The following REV3L variants were observed in gnomAD, a reference collection of about 807,000 sequenced individuals.
The protein encoded by REV3L is DNA polymerase zeta catalytic subunit.
In REV3L, 69 loss-of-function variants were observed where a neutral mutation model predicts 299.4. The observed-to-expected ratio is 0.23, with a 90% CI of 0.19 to 0.28. The LOEUF is 0.28. Ranked by LOEUF, REV3L falls within the 10% of genes least tolerant of loss-of-function variation. REV3L has a pLI of 1.00. For synonymous variants in REV3L, 1,238 were observed against 1,271.4 expected, an observed-to-expected ratio of 0.97 and a Z score of 0.56; for missense variants, 3,128 against 3,693.8, an observed-to-expected ratio of 0.85 and a Z score of 3.97.
intron 1 of REV3L, among the ~76,000 whole-genome samples, chr6:111,436,566 G>A (rs895910384): frequency 5.9e-5 from 9 of 152,084 alleles, no homozygotes; most frequent in African/African-American, 1.9e-4. Flanking sequence ...ATTCATATGT[G>A]GGAGCTAAAA....
At chr6:111,307,646 T>G in intron 30 of REV3L, 76 bp from the exon 31 acceptor site, 1 of 1,353,628 alleles carries the variant, frequency 7.4e-7, no homozygotes, top group Non-Finnish European at 1.0e-6. Flanking sequence ...TAATTACAGG[T>G]TTACTCAGGC....
intron 6 of REV3L, 127 bp from the exon 7 acceptor site, chr6:111,389,337 A>T: frequency 1.4e-6 from 1 of 695,660 alleles, no homozygotes; most frequent in African/African-American, 1.8e-5. Flanking sequence ...TAAAGTGGAC[A>T]AATTATCCCA....
chr6:111,374,405 T>G lies in REV3L; in HGVS notation c.3950A>C (p.Asp1317Ala). The change falls in exon 13 of 32, where the codon GAT becomes GCT. Residue 1317 changes from aspartate (D) to alanine (A), a missense_variant. By Grantham distance (126) the Asp-to-Ala change is moderately radical. Around this residue, in one of 9 missense-constraint regions of REV3L, gnomAD observed 2,409 missense variants for 2,611.8 expected, o/e 0.92. Coordinates refer to ENST00000368802, the MANE Select transcript of REV3L (RefSeq NM_001372078.1). ...DLQTFPSSRD[D>A]LHPSVVCNSI... ...ATTACAAACAACTGATGGATGCAAA[T>G]CATCTCGTGAACTGGGGAATGTCTG... 1 of 1,614,010 alleles carries G rather than the reference T, an allele frequency of 6.2e-7. No individual in the cohort carries two copies. The highest frequency in any genetic ancestry group is 1.6e-4 in the Middle Eastern group (1 of 6,062).
chr6:111,338,311 C>CTTTTTTTTTTTTTTTTTTTTT (rs1776115188), intron 21 of REV3L, among the ~76,000 whole-genome samples: 1 of 49,034 alleles, frequency 2.0e-5, no homozygotes, highest in Non-Finnish European at 3.5e-5. Flanking sequence ...AGTCTAAAGT[C>CTTTTTTTTTTTTTTTTTTTTT]CTTTTTTTTT....
At chr6:111,361,419 C>CAAAAA (rs71021837) in intron 16 of REV3L, 2 of 86,598 alleles carry the variant, frequency 2.3e-5, no homozygotes, top group African/African-American at 4.8e-5. Context: ...CACACACACA[C>CAAAAA]AAAAAAAAAA....
chr6:111,354,562 G>A (rs904192534), intron 18 of REV3L, among the ~76,000 whole-genome samples: 88 of 152,210 alleles, frequency 5.8e-4, no homozygotes, highest in African/African-American at 2.1e-3. Flanking sequence ...TGTTTAGTCT[G>A]GAGGATGTAA....
intron 9 of REV3L, among the ~76,000 whole-genome samples, chr6:111,382,115 C>T (rs1394357220): frequency 6.6e-6 from 1 of 152,090 alleles, no homozygotes; most frequent in Non-Finnish European, 1.5e-5. Flanking sequence ...CATTATATAT[C>T]ACATTCATTA....
intron 18 of REV3L, among the ~76,000 whole-genome samples, chr6:111,352,388 G>A (rs1224600036): frequency 1.3e-5 from 2 of 152,130 alleles, no homozygotes; most frequent in Admixed American, 1.3e-4. Flanking sequence ...GGGGTGGAAG[G>A]CAGGCCATTA....
At chr6:111,301,194 C>A (rs1003700596) in intron 31 of REV3L, among the ~76,000 whole-genome samples, 1 of 152,128 alleles carries the variant, frequency 6.6e-6, no homozygotes, top group Non-Finnish European at 1.5e-5. Flanking sequence ...TCCAGCCTGG[C>A]GAATTCTAGT....
chr6:111,330,223 T>C (rs1775247110), intron 24 of REV3L: 2 of 440,616 alleles, frequency 4.5e-6, no homozygotes, highest in Non-Finnish European at 9.3e-6. Context: ...TCTGCTGACA[T>C]TCAAACCTGC....
intron 30 of REV3L, 171 bp from the exon 31 acceptor site, chr6:111,307,741 G>A (rs1562482715): frequency 5.0e-6 from 3 of 605,800 alleles, no homozygotes; most frequent in Non-Finnish European, 5.8e-6. Context: ...TGGAGCTACA[G>A]AAATGAATGA....
rs773545967 is a variant in REV3L, at chr6:111,373,864, T to C, written c.4491A>G (p.Ser1497=). Residue 1497 remains serine, a synonymous_variant, in exon 13 of 32, where the codon TCA becomes TCG. Transcript: ENST00000368802. The part of the protein sequence containing the change: ...KPERVKPRSL[S]EAISQTKALS... The stretch of plus-strand genomic sequence containing the variant: ...GTGCTTTGGTTTGTGAAATTGCTTC[T>C]GATAACGACCTCGGTTTTACTCTTT... The C allele has an allele frequency of 3.1e-6, 5 of 1,613,986 alleles. No homozygotes were observed. Among genetic ancestry groups the C allele is most frequent in the Non-Finnish European group, 4.2e-6 (5 of 1,179,990 alleles).
chr6:111,407,512 G>A (rs1253329642), intron 3 of REV3L, among the ~76,000 whole-genome samples: 2 of 152,158 alleles, frequency 1.3e-5, no homozygotes, highest in Non-Finnish European at 2.9e-5. Flanking sequence ...TTGTTTTAAG[G>A]CACCATAAGC....
At chr6:111,306,455 A>G (rs766159701) in intron 31 of REV3L, among the ~76,000 whole-genome samples, 68 of 152,258 alleles carry the variant, frequency 4.5e-4, no homozygotes, top group Middle Eastern at 3.4e-3. Context: ...ATAAGGAGTA[A>G]TGATTTTATT....
chr6:111,430,238 C>T, intron 1 of REV3L: 1 of 877,272 alleles, frequency 1.1e-6, no homozygotes, highest in East Asian at 2.4e-5. Context: ...CCCACCCCTT[C>T]AAGAAGCTTT....
At chr6:111,394,782 A>T (rs1456087270) in intron 4 of REV3L, among the ~76,000 whole-genome samples, 1 of 150,192 alleles carries the variant, frequency 6.7e-6, no homozygotes, top group Non-Finnish European at 1.5e-5. Flanking sequence ...GGCTCACTGC[A>T]GCCTTGAGCT....
At chr6:111,303,098 T>C (rs959990220) in intron 31 of REV3L, among the ~76,000 whole-genome samples, 2 of 151,954 alleles carry the variant, frequency 1.3e-5, no homozygotes, top group African/African-American at 4.8e-5. Context: ...TACCATTTTA[T>C]AGCATTGTAT....
At chr6:111,323,332 G>A (rs2114787289) in intron 25 of REV3L, among the ~76,000 whole-genome samples, 1 of 152,214 alleles carries the variant, frequency 6.6e-6, no homozygotes, top group South Asian at 2.1e-4. Flanking sequence ...AGGCAGAAAA[G>A]CACTCTTTGT....
intron 13 of REV3L, among the ~76,000 whole-genome samples, chr6:111,370,116 C>T (rs566518760): frequency 3.3e-5 from 5 of 152,290 alleles, no homozygotes; most frequent in South Asian, 2.1e-4. Flanking sequence ...CAGGCGTGAG[C>T]CACCGTGCCC....
Sources: allele counts gnomAD v4.1 joint callset (sites outside exome capture counted in the v4.1 genomes callset), GRCh38; gene constraint gnomAD v4.1.1; regional missense constraint gnomAD v4.1.1; transcripts MANE v1.5; gene names NCBI Gene and HGNC (gene_info 2026-07-23, HGNC 2026-07-21).